The following CYTH3 variants were observed in gnomAD, a reference collection of about 807,000 sequenced individuals.
The protein encoded by CYTH3 is cytohesin 3, also known as cytohesin-3.
Under a neutral mutation model 55.1 loss-of-function variants are expected in CYTH3, and 23 were observed. The observed-to-expected ratio is 0.42, with a 90% confidence interval of 0.30 to 0.59. The LOEUF is 0.59. Ranked by LOEUF, CYTH3 falls within the 20% of genes least tolerant of loss-of-function variation. The probability of loss-of-function intolerance (pLI) is 0.20; values close to 1 mark genes in which losing one functional copy is unlikely to be tolerated. For missense variants in CYTH3, 413 were observed against 524.8 expected (o/e 0.79, Z 2.08); for synonymous variants, 249 against 194.9 (o/e 1.28, Z -2.31).
chr7:6,255,359 T>C (rs1425387950), intron 1 of CYTH3, among the ~76,000 whole-genome samples: 1 of 152,106 alleles, frequency 6.6e-6, no homozygotes, highest in African/African-American at 2.4e-5. Flanking sequence ...ACAAGGGGAA[T>C]TACCCGAAAT....
chr7:6,213,059 T>A (rs1784356662), intron 1 of CYTH3, among the ~76,000 whole-genome samples: 1 of 152,214 alleles, frequency 6.6e-6, no homozygotes, highest in Admixed American at 6.5e-5. Context: ...GCTGACTTAT[T>A]GTTTAGTTTA....
At chr7:6,272,356 C>G (rs1387828213) in intron 1 of CYTH3, 118 bp downstream of exon 1, 1 of 1,019,974 alleles carries the variant, frequency 9.8e-7, no homozygotes, top group Non-Finnish European at 1.2e-6. Context: ...ACGCCGCTGC[C>G]GCTGCCCCCG....
intron 1 of CYTH3, among the ~76,000 whole-genome samples, chr7:6,218,391 G>C (rs777465761): frequency 6.6e-6 from 1 of 152,156 alleles, no homozygotes; most frequent in Non-Finnish European, 1.5e-5. Flanking sequence ...TGCTGGGAAA[G>C]GGAAGAAAAT....
At chr7:6,203,410 A>T (rs557436182) in intron 1 of CYTH3, among the ~76,000 whole-genome samples, 1 of 152,266 alleles carries the variant, frequency 6.6e-6, no homozygotes, top group African/African-American at 2.4e-5. Flanking sequence ...CGTTTCATGC[A>T]AAAAAACAAA....
At chr7:6,217,165 C>T (rs746421760) in intron 1 of CYTH3, among the ~76,000 whole-genome samples, 16 of 152,172 alleles carry the variant, frequency 1.1e-4, no homozygotes, top group Non-Finnish European at 2.2e-4. Context: ...CCACCAGCCT[C>T]GGCCTCCCAA....
intron 1 of CYTH3, among the ~76,000 whole-genome samples, chr7:6,270,596 T>C (rs1780624847): frequency 2.0e-5 from 3 of 152,238 alleles, no homozygotes; most frequent in Non-Finnish European, 4.4e-5. Context: ...CTGCTTATTT[T>C]AATGGTTGTA....
intron 1 of CYTH3, among the ~76,000 whole-genome samples, chr7:6,235,540 C>G (rs1779498617): frequency 6.6e-6 from 1 of 151,994 alleles, no homozygotes; most frequent in African/African-American, 2.4e-5. Context: ...CAGTTATTTC[C>G]ACAGCATCCT....
chr7:6,171,199 G>A lies in CYTH3; in HGVS notation c.562+3C>T. On this transcript the variant is annotated splice_donor_region_variant and intron_variant, in intron 7 of 12. Coordinates refer to ENST00000350796, the MANE Select transcript of CYTH3 (RefSeq NM_004227.4). The surrounding 1 kb of genome is among the most constrained non-coding windows in gnomAD (Gnocchi z 6.7). ...GGGGCCAGGCTGTGGGCTCTGCACT[G>A]ACCTGTGGACTGGAAGACCCCGGGG... The A allele has an allele frequency of 3.1e-6, 5 of 1,614,064 alleles. No individual in the cohort carries two copies. Among genetic ancestry groups the A allele is most frequent in the Non-Finnish European group, 4.2e-6 (5 of 1,179,946 alleles).
rs1179672614 is a variant in CYTH3, at chr7:6,165,296, C to T, written c.1104G>A (p.Lys368=). The change falls in exon 12 of 13, where the codon AAG becomes AAA. Residue 368 remains lysine, a synonymous_variant. Transcript: ENST00000350796. ...YRISAPSPEE[K]EEWMKSIKAS... is the part of the protein sequence containing the mutation. ...ACTTGATGGATTTCATCCACTCCTC[C>T]TTCTCCTCCGGGCTCGGGGCTGAGA... 3 of 1,613,476 alleles carry T rather than the reference C, an allele frequency of 1.9e-6. No individual in the cohort carries two copies. In the East Asian group the frequency reaches 6.7e-5, roughly 36 times the overall value.
intron 6 of CYTH3, 49 bp downstream of exon 6, chr7:6,173,604 C>G: frequency 8.1e-7 from 1 of 1,239,378 alleles, no homozygotes; most frequent in Non-Finnish European, 1.2e-6. Context: ...AGGCAGTGGT[C>G]CTCTGGCCTT....
At chr7:6,218,300 C>T (rs944093162) in intron 1 of CYTH3, among the ~76,000 whole-genome samples, 23 of 152,070 alleles carry the variant, frequency 1.5e-4, no homozygotes, top group African/African-American at 4.6e-4. Flanking sequence ...AAGAAGGCAA[C>T]GTGATGACTG....
chr7:6,207,953 G>T (rs1392548819), intron 1 of CYTH3, among the ~76,000 whole-genome samples: 1 of 152,034 alleles, frequency 6.6e-6, no homozygotes, highest in Non-Finnish European at 1.5e-5. Context: ...CTGTCTTGGG[G>T]GGGTGGGGGG....
intron 4 of CYTH3, among the ~76,000 whole-genome samples, chr7:6,184,292 C>T (rs993210671): frequency 6.6e-6 from 1 of 151,684 alleles, no homozygotes. Flanking sequence ...AATCTCCTGA[C>T]CTCATGATCC....
chr7:6,162,894 G>C lies in CYTH3; in HGVS notation c.*2050C>G, dbSNP rs1193459071. The C allele has an allele frequency of 6.5e-6, 1 of 152,710 alleles. No individual in the cohort carries two copies. The highest frequency in any genetic ancestry group is 2.4e-5 in the African/African-American group (1 of 41,476). The allele number at this position is 152,710 out of a possible 1,614,324, so 9.5% of individuals were successfully genotyped here. On this transcript the variant is annotated 3_prime_UTR_variant, in exon 13 of 13. Coordinates refer to ENST00000350796, the MANE Select transcript of CYTH3 (RefSeq NM_004227.4). ...ATGCTGACAGAGCTGGCTGTGGCCA[G>C]TCTTGGGTGCCGGGCCAGCCTGAGG...
intron 1 of CYTH3, among the ~76,000 whole-genome samples, chr7:6,218,506 T>C (rs995180061): frequency 6.6e-6 from 1 of 152,226 alleles, no homozygotes; most frequent in African/African-American, 2.4e-5. Context: ...AGAATAAATG[T>C]GTGCTATTTT....
At chr7:6,223,207 A>G (rs1327517669) in intron 1 of CYTH3, among the ~76,000 whole-genome samples, 1 of 150,790 alleles carries the variant, frequency 6.6e-6, no homozygotes, top group African/African-American at 2.4e-5. Context: ...CTGGGAGGTG[A>G]GGAGCGCCTC....
chr7:6,228,195 T>G (rs759793122), intron 1 of CYTH3, among the ~76,000 whole-genome samples: 1 of 152,236 alleles, frequency 6.6e-6, no homozygotes, highest in African/African-American at 2.4e-5. Flanking sequence ...TGCTCACCTT[T>G]TTTCCAGTTT....
In CYTH3 at chr7:6,186,954, G is replaced by T; in HGVS notation, c.249+96C>A. The T allele has an allele frequency of 3.2e-6, 4 of 1,261,296 alleles. No individual in the cohort carries two copies. In the South Asian group the frequency reaches 5.0e-5, roughly 16 times the overall value. The allele number at this position is 1,261,296 out of a possible 1,614,324, so 78.1% of individuals were successfully genotyped here. A position where few individuals can be genotyped will look rare whatever the true frequency, so the allele number is the denominator to read the frequency against. On this transcript the variant is annotated intron_variant, in intron 4 of 12. Transcript: ENST00000350796. ...CTCCCAGTCTTTTATGAGGTGACAG[G>T]GCGGACCACCTCTGACCTCTGTCCA...
chr7:6,179,667 A>C (rs1255859891), intron 4 of CYTH3, among the ~76,000 whole-genome samples: 16 of 59,290 alleles, frequency 2.7e-4, no homozygotes, highest in Admixed American at 6.5e-4. Context: ...CACACACCCC[A>C]CACACACACC....
Sources: allele counts gnomAD v4.1 joint callset (sites outside exome capture counted in the v4.1 genomes callset), GRCh38; gene constraint gnomAD v4.1.1; non-coding constraint Gnocchi (gnomAD v3.1); transcripts MANE v1.5; gene names NCBI Gene and HGNC (gene_info 2026-07-23, HGNC 2026-07-21).